BNC2: variants seen among roughly 807,000 people sequenced by gnomAD.
BNC2 encodes the protein zinc finger protein basonuclin-2.
A neutral mutation model predicts 76.3 loss-of-function variants in BNC2; 20 were observed. The observed-to-expected ratio is 0.26, with a 90% confidence interval of 0.18 to 0.38. The LOEUF (loss-of-function observed/expected upper bound fraction) is 0.38, where lower values mean the gene tolerates loss of function less well. BNC2 is among the 10% of genes least tolerant of loss of function. BNC2 has a pLI of 1.00. For missense variants in BNC2, 1,382 were observed against 1,399.8 expected (o/e 0.99, Z 0.20); for synonymous variants, 582 against 514.8 (o/e 1.13, Z -1.77).
chr9:16,644,313 A>T (rs1461970581), intron 3 of BNC2, among the ~76,000 whole-genome samples: 1 of 152,198 alleles, frequency 6.6e-6, no homozygotes, highest in Admixed American at 6.5e-5. Context: ...GACAAGGTTG[A>T]ATCAAGTGAT....
At chr9:16,571,003 A>G (rs1287053047) in intron 4 of BNC2, among the ~76,000 whole-genome samples, 3 of 152,234 alleles carry the variant, frequency 2.0e-5, no homozygotes, top group Admixed American at 6.5e-5. Context: ...AGATAAGTTC[A>G]ATTAATCAGT....
chr9:16,494,167 T>C lies in BNC2; in HGVS notation c.670-56643A>G, dbSNP rs933813492. 2.0e-5 allele frequency among the ~76,000 whole-genome samples: 3 copies of C among 152,136 alleles called. No homozygotes were observed. The East Asian group carries it at 5.8e-4, about 29-fold the overall frequency. On this transcript the variant is annotated intron_variant, in intron 5 of 6. Transcript: ENST00000380672. Reference sequence around the variant, plus strand: ...TAGAAAATAATTTTCTTTTTCTTTTTTTTGGAGACGGAGTCTTGCTCTGTC... The same window carrying C: ...TAGAAAATAATTTTCTTTTTCTTTTCTTTGGAGACGGAGTCTTGCTCTGTC...
At chr9:16,705,004 G>T (rs1024668657) in intron 3 of BNC2, 1 of 152,254 alleles carries the variant, frequency 6.6e-6, no homozygotes, top group East Asian at 1.9e-4. Flanking sequence ...CAGACTCCAA[G>T]ACTTTAAACA....
chr9:16,641,863 G>T (rs924955059), intron 3 of BNC2, among the ~76,000 whole-genome samples: 2 of 152,054 alleles, frequency 1.3e-5, no homozygotes, highest in African/African-American at 4.8e-5. Flanking sequence ...TTTTTTGGAA[G>T]ATGCCAAGAA....
At chr9:16,816,050 T>C (rs1443479737) in intron 1 of BNC2, among the ~76,000 whole-genome samples, 1 of 152,194 alleles carries the variant, frequency 6.6e-6, no homozygotes, top group Non-Finnish European at 1.5e-5. Context: ...TTATTTTTCA[T>C]GTTTAATTAA....
At chr9:16,733,179 A>G (rs1412853129) in intron 2 of BNC2, among the ~76,000 whole-genome samples, 1 of 152,238 alleles carries the variant, frequency 6.6e-6, no homozygotes, top group Non-Finnish European at 1.5e-5. Flanking sequence ...CTTGCTCTCC[A>G]ACATCTGTTG....
At chr9:16,805,662 A>G (rs1375132479) in intron 1 of BNC2, among the ~76,000 whole-genome samples, 1 of 152,100 alleles carries the variant, frequency 6.6e-6, no homozygotes, top group African/African-American at 2.4e-5. Context: ...AAACTGCATG[A>G]GAAACTGCAA....
Position 16,669,294 on chromosome 9 carries a change from A to G in BNC2, c.330+58503T>C, listed in dbSNP as rs181555453. 5.5e-3 allele frequency among the ~76,000 whole-genome samples: 841 copies of G among 152,312 alleles called. 3 individuals carry two copies. The highest frequency in any genetic ancestry group is 8.2e-3 in the Non-Finnish European group (561 of 68,026). On this transcript the variant is annotated intron_variant, in intron 3 of 6. Transcript: ENST00000380672. Reference sequence around the variant, plus strand: ...AAGGGAGTAATTTTCCTTATAATCTAAAACTCCTTATCCTCTAGATGGAAT... The same window carrying G: ...AAGGGAGTAATTTTCCTTATAATCTGAAACTCCTTATCCTCTAGATGGAAT...
intron 1 of BNC2, among the ~76,000 whole-genome samples, chr9:16,758,860 G>A (rs764458307): frequency 3.9e-5 from 6 of 152,058 alleles, no homozygotes; most frequent in Non-Finnish European, 8.8e-5. Context: ...AAAAATCTTT[G>A]AAGAATCAAC....
chr9:16,792,676 A>G (rs1170660278), intron 1 of BNC2, among the ~76,000 whole-genome samples: 1 of 152,226 alleles, frequency 6.6e-6, no homozygotes, highest in Non-Finnish European at 1.5e-5. Flanking sequence ...TAAGAAATAA[A>G]GTTTACTTTG....
intron 1 of BNC2, among the ~76,000 whole-genome samples, chr9:16,834,153 G>C (rs1006720993): frequency 6.6e-6 from 1 of 151,544 alleles, no homozygotes; most frequent in Non-Finnish European, 1.5e-5. Context: ...AAAATGAAGA[G>C]TGGTCTCAAA....
intron 4 of BNC2, among the ~76,000 whole-genome samples, chr9:16,576,082 A>G (rs1819476653): frequency 6.6e-6 from 1 of 152,170 alleles, no homozygotes; most frequent in Admixed American, 6.5e-5. Context: ...TGCCACTGCT[A>G]AGCATGTACT....
At chr9:16,822,861 A>G (rs1563959317) in intron 1 of BNC2, among the ~76,000 whole-genome samples, 1 of 152,188 alleles carries the variant, frequency 6.6e-6, no homozygotes, top group African/African-American at 2.4e-5. Context: ...AAATTTGAAT[A>G]TTTTTTTAAG....
chr9:16,598,331 G>A (rs1461401158), intron 3 of BNC2, among the ~76,000 whole-genome samples: 1 of 152,176 alleles, frequency 6.6e-6, no homozygotes, highest in East Asian at 1.9e-4. Context: ...TAAAAGTGAT[G>A]AAGTTGCTAA....
intron 1 of BNC2, among the ~76,000 whole-genome samples, chr9:16,810,703 T>C (rs950142661): frequency 2.0e-5 from 3 of 152,174 alleles, no homozygotes; most frequent in African/African-American, 7.2e-5. Flanking sequence ...TAAGGATAAG[T>C]TCATGCACAT....
At chr9:16,711,197 G>T (rs1478276398) in intron 3 of BNC2, among the ~76,000 whole-genome samples, 2 of 152,126 alleles carry the variant, frequency 1.3e-5, no homozygotes, top group African/African-American at 2.4e-5. Context: ...TGTAAAGGAT[G>T]ATCATTTTTT....
chr9:16,807,709 C>T (rs1028812023), intron 1 of BNC2, among the ~76,000 whole-genome samples: 6 of 152,092 alleles, frequency 3.9e-5, no homozygotes, highest in African/African-American at 1.4e-4. Flanking sequence ...AGGATAAAGA[C>T]CTGTAACTAA....
intron 5 of BNC2, among the ~76,000 whole-genome samples, chr9:16,443,343 T>A (rs1349927475): frequency 6.6e-6 from 1 of 152,142 alleles, no homozygotes; most frequent in African/African-American, 2.4e-5. Flanking sequence ...TCTTAAGAAA[T>A]TATTTCATCA....
intron 3 of BNC2, among the ~76,000 whole-genome samples, chr9:16,587,530 T>C (rs1819807283): frequency 6.6e-6 from 1 of 152,182 alleles, no homozygotes; most frequent in African/African-American, 2.4e-5. Context: ...TTCTAGACTA[T>C]TTAAACTGTC....
Sources: allele counts gnomAD v4.1 joint callset (sites outside exome capture counted in the v4.1 genomes callset), GRCh38; gene constraint gnomAD v4.1.1; transcripts MANE v1.5; gene names NCBI Gene and HGNC (gene_info 2026-07-23, HGNC 2026-07-21).